Variants in MPV17L observed in about 807,000 individuals in gnomAD.
MPV17L encodes the protein MPV17 mitochondrial inner membrane protein like.
Under a neutral mutation model 25.8 loss-of-function variants are expected in MPV17L, and 24 were observed. The ratio of observed to expected loss-of-function variants is 0.93; its 90% CI spans 0.67 to 1.31. The LOEUF is 1.31. Ranked by LOEUF, MPV17L falls within the 50% of genes most tolerant of loss-of-function variation. The pLI is 0.00. For missense variants in MPV17L, 250 were observed against 265.6 expected, an observed-to-expected ratio of 0.94 and a Z score of 0.41; for synonymous variants, 102 against 115.3, an observed-to-expected ratio of 0.88 and a Z score of 0.74.
chr16:15,405,537 C>T (rs2050673112), intron 2 of MPV17L, among the ~76,000 whole-genome samples: 3 of 151,096 alleles, frequency 2.0e-5, no homozygotes, highest in South Asian at 4.2e-4. Context: ...CAACCTCTGC[C>T]TCCCGAATTC....
chr16:15,397,913 C>T (rs1047871203), intron 1 of MPV17L, among the ~76,000 whole-genome samples: 20 of 152,026 alleles, frequency 1.3e-4, no homozygotes, highest in Non-Finnish European at 2.4e-4. Context: ...TGCCTGTGCC[C>T]GGTGTGTGAT....
intron 2 of MPV17L, among the ~76,000 whole-genome samples, chr16:15,403,803 C>T (rs1240261901): frequency 6.6e-6 from 1 of 152,048 alleles, no homozygotes; most frequent in African/African-American, 2.4e-5. Flanking sequence ...GAGTGAGTCT[C>T]ATCTACCCTC....
At chr16:15,403,368 CA>C (rs36042308) in intron 2 of MPV17L, among the ~76,000 whole-genome samples, 1,614 of 73,050 alleles carry the variant, frequency 0.022, 15 homozygotes, top group African/African-American at 0.06. Context: ...GACTCCGTCT[CA>C]AAAAAAAAAA....
Position 15,396,006 on chromosome 16 carries a change from C to T in MPV17L, c.109C>T (p.Arg37Trp). 2 of 1,521,792 alleles carry T rather than the reference C, an allele frequency of 1.3e-6. No individual in the cohort carries two copies. Among genetic ancestry groups the T allele is most frequent in the African/African-American group, 1.4e-5 (1 of 71,100 alleles). 94.3% of individuals were successfully genotyped at this position (1,521,792 alleles called of 1,614,324 possible). The change falls in exon 1 of 4, where the codon CGG becomes TGG. Residue 37 changes from arginine to tryptophan, a missense_variant. By Grantham distance (101) the Arg-to-Trp change is moderately radical (BLOSUM62 -3). Coordinates refer to ENST00000396385, the MANE Select transcript of MPV17L (RefSeq NM_001128423.2). ...LVSAGDALQQ[R>W]LQGREANWRQ... is the part of the protein sequence containing the mutation. ...CTCGGCCGGGGACGCGCTGCAACAG[C>T]GGCTGCAGGGCCGCGAGGCCAACTG...
In MPV17L at chr16:15,410,597, TTC is replaced by T. The variant is rs1231024441; in HGVS notation, c.*2487_*2488del. On this transcript the variant is annotated 3_prime_UTR_variant, in exon 4 of 4. Coordinates refer to ENST00000396385, the MANE Select transcript of MPV17L (RefSeq NM_001128423.2). ...ATTCCACCTAAGAATTCCACCAGAG[TTC>T]TGTCATCTCCAATGTCATGTTCCAC... is the stretch of plus-strand genomic sequence containing the variant. The T allele has an allele frequency of 1.3e-5, 2 of 151,844 alleles. No homozygotes were observed. Among genetic ancestry groups the T allele is most frequent in the Admixed American group, 1.3e-4 (2 of 15,218 alleles). The allele number at this position is 151,844 out of a possible 1,614,324, so 9.4% of individuals were successfully genotyped here.
intron 1 of MPV17L, among the ~76,000 whole-genome samples, chr16:15,399,897 T>C (rs1462302934): frequency 6.6e-6 from 1 of 152,138 alleles, no homozygotes; most frequent in Admixed American, 6.6e-5. Context: ...CTCCACTTCC[T>C]GGGTTCAAGC....
At position 15,410,083 on chromosome 16, in the gene MPV17L, C is replaced by G. The variant is rs1336102175; in HGVS notation, c.*1971C>G. 1.3e-5 allele frequency: 2 copies of G among 152,070 alleles called. No homozygotes were observed. Among genetic ancestry groups the G allele is most frequent in the Non-Finnish European group, 2.9e-5 (2 of 68,022 alleles). 9.4% of individuals were successfully genotyped at this position (152,070 alleles called of 1,614,324 possible). ...TTAAGGTAAACATGAGAAACTTGAT[C>G]TAATATTTAATATTTATTCAGTTCT... On this transcript the variant is annotated 3_prime_UTR_variant, in exon 4 of 4. Coordinates refer to ENST00000396385, the MANE Select transcript of MPV17L (RefSeq NM_001128423.2).
At position 15,411,194 on chromosome 16, in the gene MPV17L, T is replaced by G. The variant is rs1162965148; in HGVS notation, c.*3082T>G. The G allele has an allele frequency of 6.6e-6, 1 of 152,484 alleles. No homozygotes were observed. Among genetic ancestry groups the G allele is most frequent in the East Asian group, 1.9e-4 (1 of 5,206 alleles). The allele number at this position is 152,484 out of a possible 1,614,324, so 9.4% of individuals were successfully genotyped here. A position where few individuals can be genotyped will look rare whatever the true frequency, so the allele number is the denominator to read the frequency against. On this transcript the variant is annotated 3_prime_UTR_variant, in exon 4 of 4. Transcript: ENST00000396385. ...TTGCAGTGAGCAGAGATCAGGCCACTGCACTCCAGCCTAGGCGACAGAGCG... is the reference window on the plus strand; with the variant it reads ...TTGCAGTGAGCAGAGATCAGGCCACGGCACTCCAGCCTAGGCGACAGAGCG...
At chr16:15,405,004 GT>G (rs2050668946) in intron 2 of MPV17L, among the ~76,000 whole-genome samples, 1 of 152,082 alleles carries the variant, frequency 6.6e-6, no homozygotes, top group Non-Finnish European at 1.5e-5. Context: ...CCCCAAGCTG[GT>G]TCCTGTGTCC....
rs779094823 is a variant in MPV17L, at chr16:15,411,109, G to C, written c.*2997G>C. On this transcript the variant is annotated 3_prime_UTR_variant, in exon 4 of 4. Transcript: ENST00000396385. ...TAGCTGGGCATGGTGGCGGGCGCCT[G>C]TAGTCCCAGCTGCTCTGGAGGCTGA... 2 of 152,292 alleles carry C rather than the reference G, an allele frequency of 1.3e-5. No individual in the cohort carries two copies. Among genetic ancestry groups the C allele is most frequent in the Admixed American group, 1.3e-4 (2 of 15,280 alleles). 9.4% of individuals were successfully genotyped at this position (152,292 alleles called of 1,614,324 possible).
chr16:15,411,562 C>T lies in MPV17L; in HGVS notation c.*3450C>T, dbSNP rs1478250720. ...TTGGAAGACTCATGCAGGAGGATCT[C>T]TCGAGCTCAGGAGGCAGAAGATGAA... is the stretch of plus-strand genomic sequence containing the variant. On this transcript the variant is annotated 3_prime_UTR_variant, in exon 4 of 4. Transcript: ENST00000396385. 6.6e-6 allele frequency: 1 copy of T among 152,124 alleles called. No homozygotes were observed. Among genetic ancestry groups the T allele is most frequent in the East Asian group, 1.9e-4 (1 of 5,190 alleles). 9.4% of individuals were successfully genotyped at this position (152,124 alleles called of 1,614,324 possible).
chr16:15,399,117 T>TTTTTTTTTTTTTTTTTGAGACGG (rs2050612322), intron 1 of MPV17L, among the ~76,000 whole-genome samples: 1 of 151,138 alleles, frequency 6.6e-6, no homozygotes. Flanking sequence ...TTAACCTCTC[T>TTTTTTTTTTTTTTTTTGAGACGG]AAGCTCTTTT....
Position 15,413,152 on chromosome 16 carries a change from A to G in MPV17L, c.*5040A>G, listed in dbSNP as rs2050749901. 1 of 152,196 alleles carries G rather than the reference A, an allele frequency of 6.6e-6. No individual in the cohort carries two copies. Among genetic ancestry groups the G allele is most frequent in the African/African-American group, 2.4e-5 (1 of 41,454 alleles). The allele number at this position is 152,196 out of a possible 1,614,324, so 9.4% of individuals were successfully genotyped here. A position where few individuals can be genotyped will look rare whatever the true frequency, so the allele number is the denominator to read the frequency against. ...AGGTTCATCTTCTGAGAGTATTAAA[A>G]AGTTAATGGGTTTTTGTGCCTGAAG... On this transcript the variant is annotated 3_prime_UTR_variant, in exon 4 of 4. Coordinates refer to ENST00000396385, the MANE Select transcript of MPV17L (RefSeq NM_001128423.2).
At chr16:15,399,624 A>C (rs1029095497) in intron 1 of MPV17L, 1 of 245,048 alleles carries the variant, frequency 4.1e-6, no homozygotes, top group African/African-American at 2.3e-5. Context: ...CCAGGCTGTG[A>C]ATTTCTCTTC....
In MPV17L at chr16:15,404,651, T is replaced by C. The variant is rs924794894; in HGVS notation, c.382-3173T>C. Among the ~76,000 whole-genome samples, 21 of 152,236 alleles carry C rather than the reference T, an allele frequency of 1.4e-4. 1 individual carries two copies. The highest frequency in any genetic ancestry group is 5.1e-4 in the African/African-American group (21 of 41,540). On this transcript the variant is annotated intron_variant, in intron 2 of 3. Coordinates refer to ENST00000396385, the MANE Select transcript of MPV17L (RefSeq NM_001128423.2). ...GCCTGACCAACATGGTGAAACCCTG[T>C]CTCTACTAAAAATACAAAAAATTAG... is the stretch of plus-strand genomic sequence containing the variant.
chr16:15,406,071 C>A (rs987435204), intron 2 of MPV17L, among the ~76,000 whole-genome samples: 19 of 151,818 alleles, frequency 1.3e-4, no homozygotes, highest in African/African-American at 4.4e-4. Flanking sequence ...CACCTGTAAT[C>A]CCAGCTACTC....
chr16:15,400,771 T>G lies in MPV17L; in HGVS notation c.311-16T>G, dbSNP rs776977562. 32 of 1,579,146 alleles carry G rather than the reference T, an allele frequency of 2.0e-5. No homozygotes were observed. Among genetic ancestry groups the G allele is most frequent in the African/African-American group, 8.2e-5 (6 of 73,298 alleles). ...CTACTGAATCTTTTAAAATTTTTTT[T>G]GGGTTTTGCAAATAGGTATGAGCAT... On this transcript the variant is annotated splice_polypyrimidine_tract_variant and intron_variant, in intron 1 of 3. Transcript: ENST00000396385.
Position 15,412,334 on chromosome 16 carries a change from G to A in MPV17L, c.*4222G>A, listed in dbSNP as rs2050740147. 1 of 151,964 alleles carries A rather than the reference G, an allele frequency of 6.6e-6. No homozygotes were observed. The highest frequency in any genetic ancestry group is 2.4e-5 in the African/African-American group (1 of 41,332). 9.4% of individuals were successfully genotyped at this position (151,964 alleles called of 1,614,324 possible). On this transcript the variant is annotated 3_prime_UTR_variant, in exon 4 of 4. Coordinates refer to ENST00000396385, the MANE Select transcript of MPV17L (RefSeq NM_001128423.2). ...CTCCCAGCTACTTGGGGGTGCTGAG[G>A]CAGGAGGATCACTCAAGCCCAGGAG...
At chr16:15,401,718 G>A (rs2050641498) in intron 2 of MPV17L, among the ~76,000 whole-genome samples, 1 of 152,124 alleles carries the variant, frequency 6.6e-6, no homozygotes. Flanking sequence ...TACTCAGTAG[G>A]CCGAGGCAGG....
Sources: gnomAD v4.1 joint callset for allele counts (sites outside exome capture counted in the v4.1 genomes callset) on GRCh38, gnomAD v4.1.1 for gene constraint, MANE v1.5 for transcripts, NCBI Gene and HGNC (gene_info 2026-07-23, HGNC 2026-07-21) for gene names.